The following FGF12 variants were observed in gnomAD, a reference collection of about 807,000 sequenced individuals.
The protein encoded by FGF12 is fibroblast growth factor 12.
A neutral mutation model predicts 23.6 loss-of-function variants in FGF12; 14 were observed. That is an observed-to-expected ratio of 0.59 (90% confidence interval 0.39 to 0.93). The LOEUF is 0.93. FGF12 is among the 40% of genes least tolerant of loss of function. FGF12 has a pLI of 0.00. For synonymous variants in FGF12, 62 were observed against 77.3 expected (o/e 0.80, Z 1.04); for missense variants, 175 against 217.8 (o/e 0.80, Z 1.24).
chr3:192,527,217 G>C (rs1315170778), intron 2 of FGF12, among the ~76,000 whole-genome samples: 1 of 152,122 alleles, frequency 6.6e-6, no homozygotes, highest in Non-Finnish European at 1.5e-5. Context: ...ACAGCAAAAA[G>C]GCCCTCACCA....
intron 2 of FGF12, among the ~76,000 whole-genome samples, chr3:192,384,760 G>A (rs1158486807): frequency 2.0e-5 from 3 of 152,094 alleles, no homozygotes; most frequent in Admixed American, 1.3e-4. Context: ...AGGCTCCGGG[G>A]GTGACATTCA....
At chr3:192,604,441 C>A (rs989785077) in intron 2 of FGF12, among the ~76,000 whole-genome samples, 1 of 152,208 alleles carries the variant, frequency 6.6e-6, no homozygotes, top group African/African-American at 2.4e-5. Flanking sequence ...TTCTTCAGCT[C>A]CAGCCGGTCC....
chr3:192,398,227 A>T (rs1720606636), intron 2 of FGF12, among the ~76,000 whole-genome samples: 1 of 152,222 alleles, frequency 6.6e-6, no homozygotes, highest in Non-Finnish European at 1.5e-5. Flanking sequence ...AGTTAGGAAC[A>T]TCCAAAACAG....
At chr3:192,460,309 C>T (rs928674807) in intron 2 of FGF12, among the ~76,000 whole-genome samples, 2 of 152,208 alleles carry the variant, frequency 1.3e-5, no homozygotes, top group African/African-American at 4.8e-5. Context: ...TTTATTCCTA[C>T]TCATGCTTAA....
rs1175903916 is a variant in FGF12, at chr3:192,200,176, AT to A, written c.229-29521del. Among the ~76,000 whole-genome samples, 820 of 149,272 alleles carry A rather than the reference AT, an allele frequency of 5.5e-3. 6 individuals are homozygous for A. Among genetic ancestry groups the A allele is most frequent in the African/African-American group, 0.02 (784 of 40,006 alleles). ...TAATAAAATACAAAAAAAAAAAAAA[AT>A]AATTAGCCGGGTGTGGCTGCGTGCT... On this transcript the variant is annotated intron_variant, in intron 4 of 5. Transcript: ENST00000445105.
intron 4 of FGF12, among the ~76,000 whole-genome samples, chr3:192,218,481 A>T (rs1038769767): frequency 6.6e-6 from 1 of 152,118 alleles, no homozygotes; most frequent in African/African-American, 2.4e-5. Flanking sequence ...GTGAGTTCTC[A>T]TGTGATCTGG....
chr3:192,302,552 C>CTAAG (rs1054989798), intron 4 of FGF12, among the ~76,000 whole-genome samples: 2 of 152,142 alleles, frequency 1.3e-5, no homozygotes, highest in Admixed American at 6.6e-5. Context: ...GGGGTGTTTA[C>CTAAG]TAAGACCAGG....
At chr3:192,392,414 A>AAAATAAAT (rs60248403) in intron 2 of FGF12, among the ~76,000 whole-genome samples, 25,652 of 143,552 alleles carry the variant, frequency 0.18, 2,574 homozygotes, top group African/African-American at 0.24. Context: ...CTAAAAATAA[A>AAAATAAAT]AAATAAATAA....
rs1304126779 is a variant in FGF12 at position 192,408,086 on chromosome 3, G to A, written c.14-47548C>T. On this transcript the variant is annotated intron_variant, in intron 2 of 5. Coordinates refer to ENST00000445105, the MANE Select transcript of FGF12 (RefSeq NM_004113.6). This position sits in a 1 kb window ranked among gnomAD's most constrained non-coding sequence, Gnocchi z 7.3. ...AGAAGCGCACTTTGCTGAACACCCC[G>A]AGGACGTGCCTCTCGCACAGGGAGC... is the stretch of plus-strand genomic sequence containing the variant. 6.2e-7 allele frequency: 1 copy of A among 1,613,184 alleles called. No individual in the cohort carries two copies. The highest frequency in any genetic ancestry group is 8.5e-7 in the Non-Finnish European group (1 of 1,180,012).
chr3:192,181,540 A>C (rs556342320), intron 4 of FGF12, among the ~76,000 whole-genome samples: 19 of 152,292 alleles, frequency 1.2e-4, no homozygotes, highest in African/African-American at 4.3e-4. Flanking sequence ...ACATGGATGC[A>C]AGCAGCACGA....
In FGF12 at chr3:192,408,915, C is replaced by T. The variant is rs913919929; in HGVS notation, c.14-48377G>A. 2.4e-5 allele frequency: 24 copies of T among 985,270 alleles called. No homozygotes were observed. Among genetic ancestry groups the T allele is most frequent in the Non-Finnish European group, 2.5e-5 (21 of 829,930 alleles). The allele number at this position is 985,270 out of a possible 1,614,324, so 61.0% of individuals were successfully genotyped here. ...AATGCATCGCGCCGGCTGCGGCTTT[C>T]CAGGGGCCGGCCACCCGAGTTCTGG... On this transcript the variant is annotated intron_variant, in intron 2 of 5. Transcript: ENST00000445105. The surrounding 1 kb of genome is among the most constrained non-coding windows in gnomAD (Gnocchi z 7.3).
At chr3:192,319,656 T>A (rs531656694) in intron 4 of FGF12, among the ~76,000 whole-genome samples, 8 of 152,064 alleles carry the variant, frequency 5.3e-5, no homozygotes, top group African/African-American at 1.7e-4. Flanking sequence ...ATGGATAGTA[T>A]AATAAGATAT....
chr3:192,349,882 T>C (rs944141664), intron 3 of FGF12, among the ~76,000 whole-genome samples: 5 of 152,150 alleles, frequency 3.3e-5, no homozygotes, highest in Non-Finnish European at 7.4e-5. Context: ...TTCACTTTCA[T>C]TCATTTATTC....
intron 2 of FGF12, among the ~76,000 whole-genome samples, chr3:192,686,315 T>C (rs1032763038): frequency 6.6e-6 from 1 of 152,088 alleles, no homozygotes; most frequent in East Asian, 1.9e-4. Flanking sequence ...GGCAAGTTTA[T>C]AAATGATAAA....
chr3:192,429,185 C>A (rs1721777503), intron 2 of FGF12, among the ~76,000 whole-genome samples: 1 of 152,212 alleles, frequency 6.6e-6, no homozygotes, highest in East Asian at 1.9e-4. Flanking sequence ...CATCAACTTA[C>A]CTCTTCACGA....
At chr3:192,500,182 G>T (rs540834738) in intron 2 of FGF12, among the ~76,000 whole-genome samples, 1 of 152,290 alleles carries the variant, frequency 6.6e-6, no homozygotes, top group East Asian at 1.9e-4. Flanking sequence ...AGCTGACACA[G>T]ATCTGAAGTC....
At chr3:192,596,580 T>C (rs567166863) in intron 2 of FGF12, among the ~76,000 whole-genome samples, 48 of 152,244 alleles carry the variant, frequency 3.2e-4, no homozygotes, top group African/African-American at 1.1e-3. Context: ...ACAAAGCAAA[T>C]ATATGGCAAA....
chr3:192,501,610 A>C (rs1035780933), intron 2 of FGF12, among the ~76,000 whole-genome samples: 2 of 152,234 alleles, frequency 1.3e-5, no homozygotes, highest in African/African-American at 4.8e-5. Context: ...ACAACACAAC[A>C]ACCATACCAC....
chr3:192,522,078 G>T (rs138608726), intron 2 of FGF12, among the ~76,000 whole-genome samples: 1 of 151,908 alleles, frequency 6.6e-6, no homozygotes, highest in Non-Finnish European at 1.5e-5. Flanking sequence ...GGCGCCTGTA[G>T]TCCCAGCTAC....
Sources: allele counts gnomAD v4.1 joint callset (sites outside exome capture counted in the v4.1 genomes callset), GRCh38; gene constraint gnomAD v4.1.1; non-coding constraint Gnocchi (gnomAD v3.1); transcripts MANE v1.5; gene names NCBI Gene and HGNC (gene_info 2026-07-23, HGNC 2026-07-21).